Variants in PTPRM observed in about 807,000 individuals in gnomAD.
The protein encoded by PTPRM is receptor-type tyrosine-protein phosphatase mu.
Under a neutral mutation model 186.7 loss-of-function variants are expected in PTPRM, and 47 were observed. That is an observed-to-expected ratio of 0.25 (90% CI 0.20 to 0.32). The LOEUF (loss-of-function observed/expected upper bound fraction) is 0.32, where lower values mean the gene tolerates loss of function less well. PTPRM is among the 10% of genes least tolerant of loss of function. PTPRM has a pLI of 1.00. For missense variants in PTPRM, 1,494 were observed against 1,865.0 expected (o/e 0.80, Z 3.66); for synonymous variants, 668 against 674.9 (o/e 0.99, Z 0.16).
intron 7 of PTPRM, among the ~76,000 whole-genome samples, chr18:7,999,508 C>T (rs1438809000): frequency 1.3e-5 from 2 of 151,936 alleles, no homozygotes; most frequent in African/African-American, 4.8e-5. Context: ...AAGGTACAAT[C>T]CTTCTCTGAG....
At chr18:8,219,612 C>A (rs2147057148) in intron 14 of PTPRM, among the ~76,000 whole-genome samples, 1 of 152,274 alleles carries the variant, frequency 6.6e-6, no homozygotes. Context: ...AGACATAAAT[C>A]AATACATGGA....
intron 22 of PTPRM, among the ~76,000 whole-genome samples, chr18:8,325,464 G>A (rs1040951885): frequency 1.3e-5 from 2 of 152,130 alleles, no homozygotes; most frequent in African/African-American, 2.4e-5. Context: ...ATGGCCTCCA[G>A]CTTTATCCAT....
chr18:8,228,505 A>C (rs1568560342), intron 14 of PTPRM, among the ~76,000 whole-genome samples: 1 of 152,110 alleles, frequency 6.6e-6, no homozygotes, highest in African/African-American at 2.4e-5. Flanking sequence ...ATATGTGTAT[A>C]TGTGTGTGTA....
chr18:8,300,504 A>T (rs922342290), intron 20 of PTPRM, among the ~76,000 whole-genome samples: 66 of 88,312 alleles, frequency 7.5e-4, no homozygotes, highest in Admixed American at 1.6e-3. Flanking sequence ...TTACTTCATT[A>T]AAAAAAAAAA....
intron 27 of PTPRM, 54 bp downstream of exon 27, chr18:8,378,468 A>T: frequency 6.3e-7 from 1 of 1,589,056 alleles, no homozygotes; most frequent in East Asian, 2.2e-5. Flanking sequence ...CTCAAGAAGG[A>T]TTTCAAGGTC....
chr18:7,669,537 A>T (rs1237785406), intron 1 of PTPRM, among the ~76,000 whole-genome samples: 2 of 152,136 alleles, frequency 1.3e-5, no homozygotes, highest in Non-Finnish European at 2.9e-5. Flanking sequence ...GTTTGCTTGG[A>T]AACTTTTTGC....
intron 20 of PTPRM, among the ~76,000 whole-genome samples, chr18:8,306,747 A>G (rs1012164156): frequency 6.6e-6 from 1 of 152,204 alleles, no homozygotes; most frequent in Non-Finnish European, 1.5e-5. Context: ...AAGCCTTCAA[A>G]ACAAACCTGC....
chr18:8,108,227 T>A (rs2091606828), intron 11 of PTPRM, among the ~76,000 whole-genome samples: 2 of 152,162 alleles, frequency 1.3e-5, no homozygotes, highest in African/African-American at 4.8e-5. Flanking sequence ...TGGATGGTTT[T>A]TACCAAAAAT....
chr18:7,798,904 T>A (rs547742806), intron 2 of PTPRM, among the ~76,000 whole-genome samples: 1 of 152,360 alleles, frequency 6.6e-6, no homozygotes, highest in East Asian at 1.9e-4. Context: ...CCTCATTCTG[T>A]TCCATTGCTT....
intron 19 of PTPRM, among the ~76,000 whole-genome samples, chr18:8,289,533 TAC>T (rs1221160376): frequency 4.1e-5 from 4 of 96,922 alleles, no homozygotes; most frequent in East Asian, 4.8e-4. Context: ...TACATATATA[TAC>T]ACATATATAT....
chr18:7,918,519 G>T (rs963528646), intron 4 of PTPRM, among the ~76,000 whole-genome samples: 1 of 152,036 alleles, frequency 6.6e-6, no homozygotes, highest in African/African-American at 2.4e-5. Context: ...TCCTGTACCT[G>T]TTGGCAATTT....
intron 5 of PTPRM, among the ~76,000 whole-genome samples, chr18:7,931,132 T>A (rs2051459304): frequency 6.6e-6 from 1 of 152,206 alleles, no homozygotes; most frequent in Admixed American, 6.5e-5. Flanking sequence ...ACTTGTGATA[T>A]GTTATCGGAT....
At chr18:8,166,928 G>A (rs557257130) in intron 14 of PTPRM, among the ~76,000 whole-genome samples, 1 of 152,292 alleles carries the variant, frequency 6.6e-6, no homozygotes, top group South Asian at 2.1e-4. Flanking sequence ...TGTTGAGCTG[G>A]AAAGAAAGCA....
At chr18:7,697,140 T>C (rs1437835348) in intron 1 of PTPRM, among the ~76,000 whole-genome samples, 2 of 152,122 alleles carry the variant, frequency 1.3e-5, no homozygotes, top group Non-Finnish European at 2.9e-5. Context: ...AATGTCGGGG[T>C]GTGTTAGTAT....
intron 11 of PTPRM, among the ~76,000 whole-genome samples, chr18:8,100,535 A>T (rs931835565): frequency 4.6e-5 from 7 of 152,178 alleles, no homozygotes; most frequent in Admixed American, 1.3e-4. Flanking sequence ...CTCATGAAGG[A>T]TCTGCTCCCA....
chr18:7,724,916 A>C (rs143458774), intron 1 of PTPRM, among the ~76,000 whole-genome samples: 227 of 152,332 alleles, frequency 1.5e-3, no homozygotes, highest in African/African-American at 5.1e-3. Flanking sequence ...GTCTTTATAC[A>C]CATACCAGTT....
chr18:8,088,695 C>A, intron 10 of PTPRM, 54 bp from the exon 11 acceptor site: 1 of 1,399,992 alleles, frequency 7.1e-7, no homozygotes, highest in Non-Finnish European at 1.0e-6. Context: ...GGAAACTAAA[C>A]TGAGAAGATA....
At chr18:8,103,373 G>T in intron 11 of PTPRM, among the ~76,000 whole-genome samples, 1 of 152,200 alleles carries the variant, frequency 6.6e-6, no homozygotes, top group East Asian at 1.9e-4. Context: ...CCTCATCAAT[G>T]ACTTTAGCTA....
At chr18:8,363,497 C>T (rs1251849) in intron 23 of PTPRM, among the ~76,000 whole-genome samples, 14 of 152,076 alleles carry the variant, frequency 9.2e-5, no homozygotes, top group Middle Eastern at 3.2e-3. Context: ...ATGTACCTGG[C>T]GGCATATATA....
Sources: allele counts gnomAD v4.1 joint callset (sites outside exome capture counted in the v4.1 genomes callset), GRCh38; gene constraint gnomAD v4.1.1; transcripts MANE v1.5; gene names NCBI Gene and HGNC (gene_info 2026-07-23, HGNC 2026-07-21).